Variants in NCK1 observed in about 807,000 individuals in gnomAD.
NCK1 encodes SH2/SH3 adapter protein NCK1.
Under a neutral mutation model 36.6 loss-of-function variants are expected in NCK1, and 19 were observed. The ratio of observed to expected loss-of-function variants is 0.52; its 90% confidence interval spans 0.36 to 0.76. The LOEUF (loss-of-function observed/expected upper bound fraction) is 0.76, where lower values mean the gene tolerates loss of function less well. NCK1 is among the 30% of genes least tolerant of loss of function. The probability of loss-of-function intolerance (pLI) is 0.00; values close to 1 mark genes in which losing one functional copy is unlikely to be tolerated. For missense variants in NCK1, 358 were observed against 445.6 expected (o/e 0.80, Z 1.77); for synonymous variants, 165 against 156.0 (o/e 1.06, Z -0.43).
At chr3:136,896,048 A>G (rs911910702) in intron 1 of NCK1, among the ~76,000 whole-genome samples, 1 of 152,006 alleles carries the variant, frequency 6.6e-6, no homozygotes, top group Middle Eastern at 3.2e-3. Flanking sequence ...TACGAGGCAC[A>G]TGTGACATTT....
At chr3:136,902,486 C>G (rs781045285) in intron 1 of NCK1, among the ~76,000 whole-genome samples, 9 of 152,166 alleles carry the variant, frequency 5.9e-5, no homozygotes, top group South Asian at 4.1e-4. Context: ...CGAGCTATCC[C>G]ACCTGGCCTA....
chr3:136,879,131 C>CA (rs35320281), intron 1 of NCK1, among the ~76,000 whole-genome samples: 102,009 of 148,678 alleles, frequency 0.69, 35,044 homozygotes, highest in East Asian at 0.83. Context: ...ATCAGAACAA[C>CA]AAAAAAAAAG....
chr3:136,876,092 T>A (rs1938762839), intron 1 of NCK1, among the ~76,000 whole-genome samples: 1 of 151,716 alleles, frequency 6.6e-6, no homozygotes, highest in South Asian at 2.1e-4. Context: ...GTAAAGATGT[T>A]CTTTGAAACC....
At chr3:136,929,352 A>G (rs1184552500) in intron 2 of NCK1, among the ~76,000 whole-genome samples, 3 of 152,242 alleles carry the variant, frequency 2.0e-5, no homozygotes, top group Admixed American at 1.3e-4. Context: ...ATATAGTACA[A>G]TTTGGAGTAA....
At chr3:136,925,272 T>G (rs1940208500) in intron 1 of NCK1, among the ~76,000 whole-genome samples, 1 of 152,206 alleles carries the variant, frequency 6.6e-6, no homozygotes, top group African/African-American at 2.4e-5. Context: ...ATTATAAAGA[T>G]ATTCAGGATC....
At chr3:136,933,377 TG>T (rs1386434085) in intron 2 of NCK1, among the ~76,000 whole-genome samples, 27 of 152,312 alleles carry the variant, frequency 1.8e-4, no homozygotes, top group Admixed American at 8.5e-4. Flanking sequence ...GGAATAGTTA[TG>T]GGTACAAAGA....
Position 136,946,251 on chromosome 3 carries a change from A to G in NCK1, c.895A>G (p.Arg299Gly), listed in dbSNP as rs1348762636. 1 of 1,613,486 alleles carries G rather than the reference A, an allele frequency of 6.2e-7. No homozygotes were observed. The highest frequency in any genetic ancestry group is 1.1e-5 in the South Asian group (1 of 91,032). The part of the protein sequence containing the change: ...RHQAEMALNE[R>G]GHEGDFLIRD... The stretch of plus-strand genomic sequence containing the variant: ...TCAAGCAGAAATGGCATTAAATGAA[A>G]GAGGACATGAAGGGGATTTCCTCAT... The change falls in exon 3 of 4, where the codon AGA (arginine) becomes GGA (glycine). Residue 299 changes from arginine (R) to glycine (G), a missense_variant. By Grantham distance (125) the Arg-to-Gly change is moderately radical (BLOSUM62 -2). This residue lies in a region of NCK1 where 207 missense variants were observed against 253.4 expected (regional missense o/e 0.82). Coordinates refer to ENST00000481752, the MANE Select transcript of NCK1 (RefSeq NM_001291999.2).
chr3:136,930,242 A>C (rs1028688129), intron 2 of NCK1, among the ~76,000 whole-genome samples: 1 of 152,228 alleles, frequency 6.6e-6, no homozygotes, highest in Non-Finnish European at 1.5e-5. Context: ...AAAGGGGAAA[A>C]CAAAAGGATT....
In NCK1 at chr3:136,950,306, CAT is replaced by C. The variant is rs1280670677; in HGVS notation, c.*1855_*1856del. ...AACAATTAATGCTTTGCATCACAGA[CAT>C]AAACTATTCATAGTAAACTGCACTG... is the stretch of plus-strand genomic sequence containing the variant. On this transcript the variant is annotated 3_prime_UTR_variant, in exon 4 of 4. Coordinates refer to ENST00000481752, the MANE Select transcript of NCK1 (RefSeq NM_001291999.2). 2.0e-5 allele frequency among the ~76,000 whole-genome samples: 3 copies of C among 152,064 alleles called. No individual in the cohort carries two copies. The highest frequency in any genetic ancestry group is 7.2e-5 in the African/African-American group (3 of 41,426).
At chr3:136,921,134 A>G (rs758448764) in intron 1 of NCK1, among the ~76,000 whole-genome samples, 35 of 152,186 alleles carry the variant, frequency 2.3e-4, no homozygotes, top group Non-Finnish European at 4.3e-4. Context: ...GTACATTCAC[A>G]TTGTTGTACA....
intron 1 of NCK1, among the ~76,000 whole-genome samples, chr3:136,924,886 TAA>T (rs2108126078): frequency 6.6e-6 from 1 of 152,244 alleles, no homozygotes; most frequent in African/African-American, 2.4e-5. Flanking sequence ...ATATATGGGT[TAA>T]AAAAGGGAAA....
chr3:136,890,402 C>G (rs940832976), intron 1 of NCK1, among the ~76,000 whole-genome samples: 7 of 152,310 alleles, frequency 4.6e-5, no homozygotes, highest in Middle Eastern at 3.4e-3. Flanking sequence ...TCCCCCCAAG[C>G]TGAGGGAGCA....
At position 136,949,545 on chromosome 3, in the gene NCK1, G is replaced by A. The variant is rs747847948; in HGVS notation, c.*1092G>A. The A allele has an allele frequency of 2.0e-5, 3 of 151,902 alleles. No individual in the cohort carries two copies. Among genetic ancestry groups the A allele is most frequent in the Admixed American group, 6.6e-5 (1 of 15,248 alleles). 9.4% of individuals were successfully genotyped at this position (151,902 alleles called of 1,614,324 possible). ...GTTTTTTAACCAAGTAGGAATTTGG[G>A]TGTATGGATAAGAGGCCAATCTGCT... is the stretch of plus-strand genomic sequence containing the variant. On this transcript the variant is annotated 3_prime_UTR_variant, in exon 4 of 4. Coordinates refer to ENST00000481752, the MANE Select transcript of NCK1 (RefSeq NM_001291999.2).
intron 1 of NCK1, among the ~76,000 whole-genome samples, chr3:136,891,545 T>C (rs1939246185): frequency 6.6e-6 from 1 of 152,224 alleles, no homozygotes; most frequent in South Asian, 2.1e-4. Context: ...TCTTTTGGGT[T>C]TGTATCCATA....
At chr3:136,898,001 T>C (rs926444927) in intron 1 of NCK1, among the ~76,000 whole-genome samples, 3 of 152,198 alleles carry the variant, frequency 2.0e-5, no homozygotes, top group Non-Finnish European at 4.4e-5. Flanking sequence ...AACAAAAAGT[T>C]ACTATTTGAA....
chr3:136,951,199 T>C lies in NCK1; in HGVS notation c.*2746T>C, dbSNP rs1940962858. On this transcript the variant is annotated 3_prime_UTR_variant, in exon 4 of 4. Coordinates refer to ENST00000481752, the MANE Select transcript of NCK1 (RefSeq NM_001291999.2). ...TCTCCAGCTGTAATGTCCTACCATA[T>C]AATCCAGAGGTTGCATAGAAGCAGA... Among the ~76,000 whole-genome samples, 2 of 152,176 alleles carry C rather than the reference T, an allele frequency of 1.3e-5. No individual in the cohort carries two copies. The highest frequency in any genetic ancestry group is 1.5e-5 in the Non-Finnish European group (1 of 68,020).
At chr3:136,938,643 A>G (rs1465039301) in intron 2 of NCK1, among the ~76,000 whole-genome samples, 1 of 152,220 alleles carries the variant, frequency 6.6e-6, no homozygotes, top group Non-Finnish European at 1.5e-5. Flanking sequence ...TGCTTATGGA[A>G]AAAATGTGTG....
At chr3:136,920,096 A>G (rs1042865096) in intron 1 of NCK1, among the ~76,000 whole-genome samples, 8 of 152,184 alleles carry the variant, frequency 5.3e-5, no homozygotes, top group African/African-American at 1.9e-4. Flanking sequence ...TATTCTCTTC[A>G]GCTTTTTAAA....
chr3:136,869,740 C>T (rs1288483777), intron 1 of NCK1, among the ~76,000 whole-genome samples: 3 of 152,124 alleles, frequency 2.0e-5, no homozygotes, highest in Non-Finnish European at 4.4e-5. Flanking sequence ...AGAAGACTAT[C>T]AGGTAAAATC....
Sources: allele counts gnomAD v4.1 joint callset (sites outside exome capture counted in the v4.1 genomes callset), GRCh38; gene constraint gnomAD v4.1.1; regional missense constraint gnomAD v4.1.1; transcripts MANE v1.5; gene names NCBI Gene and HGNC (gene_info 2026-07-23, HGNC 2026-07-21).